Variants in EPHA6 observed in about 807,000 individuals in gnomAD.
EPHA6 encodes the protein EPH receptor A6, also known as ephrin type-A receptor 6.
Under a neutral mutation model 112.0 loss-of-function variants are expected in EPHA6, and 50 were observed. That is an observed-to-expected ratio of 0.45 (90% CI 0.36 to 0.56). EPHA6 has a LOEUF of 0.56. Among genes scored for constraint, EPHA6 ranks in the 20% least tolerant of loss-of-function variants. The probability of loss-of-function intolerance (pLI) is 0.00; values close to 1 mark genes in which losing one functional copy is unlikely to be tolerated. For missense variants in EPHA6, 1,280 were observed against 1,417.4 expected (o/e 0.90, Z 1.56); for synonymous variants, 529 against 490.7 (o/e 1.08, Z -1.03).
At chr3:96,911,364 T>C (rs1376057446) in intron 2 of EPHA6, among the ~76,000 whole-genome samples, 2 of 152,110 alleles carry the variant, frequency 1.3e-5, no homozygotes, top group Non-Finnish European at 2.9e-5. Flanking sequence ...AATCTCACTT[T>C]AATGTAAGAA....
chr3:97,238,707 G>A (rs965526006), intron 4 of EPHA6, among the ~76,000 whole-genome samples: 12 of 151,798 alleles, frequency 7.9e-5, no homozygotes, highest in African/African-American at 1.2e-4. Context: ...TCTGACAGAC[G>A]ATAGCAAGGA....
chr3:96,835,892 C>A (rs1279311538), intron 1 of EPHA6, among the ~76,000 whole-genome samples: 1 of 152,008 alleles, frequency 6.6e-6, no homozygotes, highest in Non-Finnish European at 1.5e-5. Context: ...AATGGAGATG[C>A]ATAGTAAACT....
chr3:97,240,728 A>G (rs1559820873), intron 4 of EPHA6, among the ~76,000 whole-genome samples: 3 of 151,872 alleles, frequency 2.0e-5, no homozygotes, highest in Admixed American at 1.3e-4. Context: ...GCAGAATGCT[A>G]GTATTCCTCT....
At chr3:96,838,076 C>T (rs1411909074) in intron 1 of EPHA6, among the ~76,000 whole-genome samples, 1 of 151,688 alleles carries the variant, frequency 6.6e-6, no homozygotes, top group Non-Finnish European at 1.5e-5. Flanking sequence ...TGTTCTGCGC[C>T]CCCCTGCCCC....
chr3:97,389,600 G>T (rs1227434045), intron 5 of EPHA6, among the ~76,000 whole-genome samples: 2 of 151,862 alleles, frequency 1.3e-5, no homozygotes, highest in Non-Finnish European at 2.9e-5. Context: ...GGTTTTACAA[G>T]GTTTAAAAAC....
intron 14 of EPHA6, among the ~76,000 whole-genome samples, chr3:97,699,044 A>G (rs1436112977): frequency 1.3e-5 from 2 of 152,160 alleles, no homozygotes; most frequent in Non-Finnish European, 2.9e-5. Context: ...AAATTCTGGA[A>G]ATTGTGACAT....
intron 1 of EPHA6, among the ~76,000 whole-genome samples, chr3:96,862,823 A>G (rs1373776071): frequency 6.6e-6 from 1 of 152,006 alleles, no homozygotes; most frequent in Non-Finnish European, 1.5e-5. Context: ...GATTTAATCC[A>G]GTACTATTAA....
intron 3 of EPHA6, among the ~76,000 whole-genome samples, chr3:97,006,078 C>T (rs2043866748): frequency 6.6e-6 from 1 of 152,062 alleles, no homozygotes; most frequent in South Asian, 2.1e-4. Flanking sequence ...CTGAAGTTTT[C>T]TCTTTTTGTT....
Position 97,427,946 on chromosome 3 carries a change from A to C in EPHA6, c.1732-20622A>C, listed in dbSNP as rs143894974. 7.7e-3 allele frequency among the ~76,000 whole-genome samples: 1,179 copies of C among 152,238 alleles called. 15 individuals carry two copies. The highest frequency in any genetic ancestry group is 0.027 in the African/African-American group (1,133 of 41,550). ...GTTGAGGGTGGGGACGGTGCTGTCT[A>C]TGGGGCACTATGCTGATTACCTGGG... is the stretch of plus-strand genomic sequence containing the variant. On this transcript the variant is annotated intron_variant, in intron 6 of 17. Transcript: ENST00000389672.
intron 9 of EPHA6, among the ~76,000 whole-genome samples, chr3:97,482,919 T>C (rs2091596252): frequency 1.3e-5 from 2 of 152,078 alleles, no homozygotes; most frequent in South Asian, 2.1e-4. Context: ...TAGAAAGATA[T>C]ATAAGAAATG....
intron 3 of EPHA6, among the ~76,000 whole-genome samples, chr3:97,130,003 G>T (rs1363706159): frequency 1.3e-5 from 2 of 152,186 alleles, no homozygotes; most frequent in Non-Finnish European, 2.9e-5. Context: ...ATTAACTAGA[G>T]TTAGGTCAAG....
chr3:96,970,690 T>A (rs370044241), intron 2 of EPHA6, among the ~76,000 whole-genome samples: 1 of 152,108 alleles, frequency 6.6e-6, no homozygotes, highest in East Asian at 1.9e-4. Context: ...AGCTCTATGA[T>A]GAAAAGACAA....
intron 11 of EPHA6, among the ~76,000 whole-genome samples, chr3:97,541,126 T>A (rs1482180600): frequency 6.8e-6 from 1 of 147,676 alleles, no homozygotes; most frequent in African/African-American, 2.7e-5. Flanking sequence ...AATTTCTAGT[T>A]AAAAAAAATC....
chr3:96,980,188 A>T (rs1241193311), intron 2 of EPHA6, among the ~76,000 whole-genome samples: 1 of 152,054 alleles, frequency 6.6e-6, no homozygotes, highest in African/African-American at 2.4e-5. Flanking sequence ...GCTTTAGGTC[A>T]AACATTTAAG....
intron 5 of EPHA6, among the ~76,000 whole-genome samples, chr3:97,285,553 C>T (rs117325899): frequency 1.3e-4 from 20 of 151,970 alleles, no homozygotes; most frequent in Admixed American, 5.2e-4. Flanking sequence ...AATTGCTGCA[C>T]ATAATTTTAT....
Position 97,244,212 on chromosome 3 carries a change from G to A in EPHA6, c.1531G>A (p.Ala511Thr), listed in dbSNP as rs759485796. The A allele has an allele frequency of 6.2e-7, 1 of 1,613,100 alleles. No homozygotes were observed. The highest frequency in any genetic ancestry group is 1.1e-5 in the South Asian group (1 of 91,068). Residue 511 changes from alanine to threonine, a missense_variant, in exon 5 of 18, where the codon GCA (alanine) becomes ACA (threonine). Coordinates refer to ENST00000389672, the MANE Select transcript of EPHA6 (RefSeq NM_001080448.3). ...CGTGAATTACACCTTTGAAATAGAA[G>A]CAATGAATGGAGTTTCTGAGTTGAG... ...SHVNYTFEIE[A>T]MNGVSELSFS...
intron 13 of EPHA6, among the ~76,000 whole-genome samples, chr3:97,613,825 G>A (rs1347296704): frequency 6.6e-6 from 1 of 152,160 alleles, no homozygotes. Flanking sequence ...GGGGATAGTG[G>A]TCAAGGTTAC....
chr3:97,266,890 G>T (rs149588990), intron 5 of EPHA6, among the ~76,000 whole-genome samples: 64 of 152,104 alleles, frequency 4.2e-4, no homozygotes, highest in South Asian at 1.2e-3. Context: ...GATGATTTGC[G>T]TTTAGATAAG....
At chr3:97,229,321 T>C (rs2078453504) in intron 4 of EPHA6, among the ~76,000 whole-genome samples, 1 of 152,134 alleles carries the variant, frequency 6.6e-6, no homozygotes, top group African/African-American at 2.4e-5. Context: ...ATTTTTCTGA[T>C]GTTATCTTCT....
Sources: allele counts gnomAD v4.1 joint callset (sites outside exome capture counted in the v4.1 genomes callset), GRCh38; gene constraint gnomAD v4.1.1; transcripts MANE v1.5; gene names NCBI Gene and HGNC (gene_info 2026-07-23, HGNC 2026-07-21).